The following PCDHGA7 variants were observed in gnomAD, a reference collection of about 807,000 sequenced individuals.
PCDHGA7 encodes the protein protocadherin gamma subfamily A, 7, also known as protocadherin gamma-A7.
PCDHGA7 carries 44 observed loss-of-function variants against 58.3 expected under a neutral mutation model. The ratio of observed to expected loss-of-function variants is 0.75; its 90% CI spans 0.59 to 0.97. The LOEUF (loss-of-function observed/expected upper bound fraction) is 0.97, where lower values mean the gene tolerates loss of function less well. Ranked by LOEUF, PCDHGA7 falls within the 50% of genes least tolerant of loss-of-function variation. The probability of loss-of-function intolerance (pLI) is 0.00; values close to 1 mark genes in which losing one functional copy is unlikely to be tolerated. For missense variants in PCDHGA7, 1,266 were observed against 1,188.7 expected (o/e 1.06, Z -0.96); for synonymous variants, 516 against 504.2 (o/e 1.02, Z -0.31).
rs2099756055 is a variant in PCDHGA7, at chr5:141,494,679, C to T, written c.2425-128C>T. The T allele has an allele frequency of 3.9e-6, 6 of 1,556,494 alleles. No homozygotes were observed. In the South Asian group the frequency reaches 4.7e-5, roughly 12 times the overall value. ...GTCTTTGGAGATGAGTCCACCCCTG[C>T]CCCCTCTTAGTCCGTTTTCTTCTCT... is the stretch of plus-strand genomic sequence containing the variant. On this transcript the variant is annotated intron_variant, in intron 1 of 3. Coordinates refer to ENST00000518325, the MANE Select transcript of PCDHGA7 (RefSeq NM_018920.4).
chr5:141,400,092 G>T, intron 1 of PCDHGA7: 1 of 1,614,060 alleles, frequency 6.2e-7, no homozygotes, highest in Non-Finnish European at 8.5e-7. Context: ...CCACCGCCAC[G>T]CTGCACTTGG....
chr5:141,508,901 C>T (rs1466455227), intron 3 of PCDHGA7, among the ~76,000 whole-genome samples: 1 of 151,946 alleles, frequency 6.6e-6, no homozygotes, highest in South Asian at 2.1e-4. Flanking sequence ...GGGGGCGGGG[C>T]GGTGGCGGAT....
chr5:141,415,368 T>C (rs762653261), intron 1 of PCDHGA7: 1 of 1,614,244 alleles, frequency 6.2e-7, no homozygotes, highest in Non-Finnish European at 8.5e-7. Context: ...TGCTGCAGGC[T>C]TCAGGAGGCG....
In PCDHGA7 at chr5:141,486,432, G is replaced by T; in HGVS notation, c.2425-8375G>T. On this transcript the variant is annotated intron_variant, in intron 1 of 3. Coordinates refer to ENST00000518325, the MANE Select transcript of PCDHGA7 (RefSeq NM_018920.4). This position sits in a 1 kb window ranked among gnomAD's most constrained non-coding sequence, Gnocchi z 5.0. ...CCCTTGGATCGAGAGGCCAAATCTA[G>T]CTATGACATCATGGTCACTGCTTCT... 4 of 1,614,172 alleles carry T rather than the reference G, an allele frequency of 2.5e-6. No homozygotes were observed. Among genetic ancestry groups the T allele is most frequent in the Non-Finnish European group, 2.5e-6 (3 of 1,180,020 alleles).
intron 1 of PCDHGA7, among the ~76,000 whole-genome samples, chr5:141,446,381 T>C (rs1225260527): frequency 1.3e-5 from 2 of 152,248 alleles, no homozygotes; most frequent in Non-Finnish European, 2.9e-5. Flanking sequence ...TAAAGAATGA[T>C]AGATTTAAGA....
intron 1 of PCDHGA7, among the ~76,000 whole-genome samples, chr5:141,453,623 T>C (rs1264665094): frequency 1.3e-5 from 2 of 152,238 alleles, no homozygotes; most frequent in Admixed American, 1.3e-4. Flanking sequence ...AAACAAAACC[T>C]ATACATATTT....
chr5:141,478,497 CGGTGTTCTATAGGCA>C, intron 1 of PCDHGA7: 1 of 1,612,820 alleles, frequency 6.2e-7, no homozygotes, highest in South Asian at 1.1e-5. Flanking sequence ...AGCTGTGATC[CGGTGTTCTATAGGCA>C]GGTGTTGGGT....
At chr5:141,414,406 C>T (rs1315007586) in intron 1 of PCDHGA7, 6 of 1,613,764 alleles carry the variant, frequency 3.7e-6, no homozygotes, top group African/African-American at 2.7e-5. Flanking sequence ...ATTGGTGATA[C>T]ACAGAGCCCT....
rs1377364370 is a variant in PCDHGA7, at chr5:141,477,489, C to T, written c.2425-17318C>T. 1 of 1,614,048 alleles carries T rather than the reference C, an allele frequency of 6.2e-7. No homozygotes were observed. Among genetic ancestry groups the T allele is most frequent in the Non-Finnish European group, 8.5e-7 (1 of 1,180,044 alleles). On this transcript the variant is annotated intron_variant, in intron 1 of 3. Coordinates refer to ENST00000518325, the MANE Select transcript of PCDHGA7 (RefSeq NM_018920.4). This position sits in a 1 kb window ranked among gnomAD's most constrained non-coding sequence, Gnocchi z 4.9. ...ATCAATGACAACCCTCCACAATCTT[C>T]TCAATCTTCCTACGACGTTTACATT...
chr5:141,487,467 T>C lies in PCDHGA7; in HGVS notation c.2425-7340T>C. ...GATGACCCTATCAAGTTTGTTGATG[T>C]GGGAGGCCACTCTCATGGCTGTACA... On this transcript the variant is annotated intron_variant, in intron 1 of 3. Transcript: ENST00000518325. The surrounding 1 kb of genome is among the most constrained non-coding windows in gnomAD (Gnocchi z 5.0). 6.2e-7 allele frequency: 1 copy of C among 1,614,186 alleles called. No individual in the cohort carries two copies. The highest frequency in any genetic ancestry group is 8.5e-7 in the Non-Finnish European group (1 of 1,180,026).
intron 1 of PCDHGA7, chr5:141,393,007 G>C: frequency 6.2e-7 from 1 of 1,613,850 alleles, no homozygotes; most frequent in Non-Finnish European, 8.5e-7. Context: ...CACGGAGTCC[G>C]TATCGTCTCC....
chr5:141,389,343 T>TACTG, intron 1 of PCDHGA7: 1 of 1,613,992 alleles, frequency 6.2e-7, no homozygotes, highest in Non-Finnish European at 8.5e-7. Flanking sequence ...CCAAGTCTCT[T>TACTG]ACTGCATCAT....
At chr5:141,440,841 A>G (rs1361003883) in intron 1 of PCDHGA7, 5 of 152,114 alleles carry the variant, frequency 3.3e-5, no homozygotes, top group Admixed American at 1.3e-4. Flanking sequence ...GTTGAAGCCA[A>G]TGACAACCCT....
chr5:141,457,127 C>G (rs2098910262), intron 1 of PCDHGA7, among the ~76,000 whole-genome samples: 1 of 152,200 alleles, frequency 6.6e-6, no homozygotes, highest in Admixed American at 6.5e-5. Flanking sequence ...AATGGAAACT[C>G]TGTCCAATAT....
intron 1 of PCDHGA7, among the ~76,000 whole-genome samples, chr5:141,461,231 T>C (rs1042368465): frequency 6.6e-5 from 10 of 152,068 alleles, no homozygotes; most frequent in African/African-American, 2.4e-4. Context: ...TCCATAGAGG[T>C]TGTACTAATT....
At chr5:141,500,619 G>A (rs1230172485) in intron 2 of PCDHGA7, among the ~76,000 whole-genome samples, 1 of 152,072 alleles carries the variant, frequency 6.6e-6, no homozygotes, top group East Asian at 1.9e-4. Context: ...CCAGTCATAC[G>A]GTACATTTCC....
chr5:141,492,360 G>A (rs2099739696), intron 1 of PCDHGA7, among the ~76,000 whole-genome samples: 1 of 152,190 alleles, frequency 6.6e-6, no homozygotes, highest in African/African-American at 2.4e-5. Context: ...CCACTCGCTC[G>A]CGGCCAGATT....
At chr5:141,483,967 G>C (rs2099589454) in intron 1 of PCDHGA7, among the ~76,000 whole-genome samples, 1 of 149,276 alleles carries the variant, frequency 6.7e-6, no homozygotes, top group African/African-American at 2.5e-5. Flanking sequence ...TTCTGTGCTT[G>C]TGCAAGGGAG....
intron 1 of PCDHGA7, chr5:141,407,886 A>G (rs1390921977): frequency 2.6e-6 from 1 of 384,594 alleles, no homozygotes; most frequent in Non-Finnish European, 4.6e-6. Context: ...CATTTCGGAG[A>G]CCGAATTCAA....
Sources: allele counts gnomAD v4.1 joint callset (sites outside exome capture counted in the v4.1 genomes callset), GRCh38; gene constraint gnomAD v4.1.1; non-coding constraint Gnocchi (gnomAD v3.1); transcripts MANE v1.5; gene names NCBI Gene and HGNC (gene_info 2026-07-23, HGNC 2026-07-21).